PKHD1: variants seen among roughly 807,000 people sequenced by gnomAD.
PKHD1 encodes fibrocystin.
In PKHD1, 291 loss-of-function variants were observed where a neutral mutation model predicts 412.0. That is an observed-to-expected ratio of 0.71 (90% CI 0.64 to 0.78). The LOEUF is 0.78. PKHD1 is among the 30% of genes least tolerant of loss of function. The pLI, the probability that PKHD1 is intolerant of heterozygous loss-of-function variation, is 0.00. For synonymous variants in PKHD1, 1,777 were observed against 1,821.5 expected (o/e 0.98, Z 0.62); for missense variants, 4,825 against 4,950.7 (o/e 0.97, Z 0.76).
intron 61 of PKHD1, among the ~76,000 whole-genome samples, chr6:51,657,111 T>A (rs1360416191): frequency 4.9e-5 from 2 of 41,206 alleles, no homozygotes; most frequent in Admixed American, 6.5e-4. Context: ...ACTTAAAGTA[T>A]AATAATAATA....
intron 37 of PKHD1, among the ~76,000 whole-genome samples, chr6:51,930,382 G>C (rs2127752630): frequency 6.6e-6 from 1 of 152,246 alleles, no homozygotes; most frequent in African/African-American, 2.4e-5. Flanking sequence ...CTGTGTGTGG[G>C]TGTATATGTG....
intron 55 of PKHD1, among the ~76,000 whole-genome samples, chr6:51,757,714 A>G (rs1185370504): frequency 6.6e-6 from 1 of 152,088 alleles, no homozygotes; most frequent in Non-Finnish European, 1.5e-5. Flanking sequence ...AAATAAGACT[A>G]TATAAGGCCA....
rs997600028 is a variant in PKHD1, at chr6:51,617,233, C to T, written c.*1848G>A. 49 of 152,158 alleles carry T rather than the reference C, an allele frequency of 3.2e-4. No individual in the cohort carries two copies. The highest frequency in any genetic ancestry group is 1.2e-3 in the African/African-American group (49 of 41,412). 9.4% of individuals were successfully genotyped at this position (152,158 alleles called of 1,614,324 possible). The stretch of plus-strand genomic sequence containing the variant: ...GTTTTTTTCCAAAAAGCTTACGGCT[C>T]TTTGAGGATCCAATGAGTATACTAA... On this transcript the variant is annotated 3_prime_UTR_variant, in exon 67 of 67. Transcript: ENST00000371117.
At position 51,618,342 on chromosome 6, in the gene PKHD1, T is replaced by C. The variant is rs945658199; in HGVS notation, c.*739A>G. 1 of 152,122 alleles carries C rather than the reference T, an allele frequency of 6.6e-6. No individual in the cohort carries two copies. The highest frequency in any genetic ancestry group is 2.1e-4 in the South Asian group (1 of 4,816). The allele number at this position is 152,122 out of a possible 1,614,324, so 9.4% of individuals were successfully genotyped here. The stretch of plus-strand genomic sequence containing the variant: ...ACTAACAGAGAGAATCACTGAAAAA[T>C]AGAACAGTGGTCATACAAAATTTCC... On this transcript the variant is annotated 3_prime_UTR_variant, in exon 67 of 67. Transcript: ENST00000371117.
intron 60 of PKHD1, among the ~76,000 whole-genome samples, chr6:51,672,570 T>C (rs999952209): frequency 5.3e-5 from 8 of 152,192 alleles, no homozygotes; most frequent in African/African-American, 1.7e-4. Context: ...GGAGAATGTA[T>C]GAGTACATGC....
At chr6:51,863,880 A>G (rs1349948180) in intron 48 of PKHD1, among the ~76,000 whole-genome samples, 2 of 152,086 alleles carry the variant, frequency 1.3e-5, no homozygotes, top group Non-Finnish European at 2.9e-5. Context: ...ACTCAACACC[A>G]ATTTTGTTGA....
At chr6:52,079,234 C>A (rs995928511) in intron 5 of PKHD1, among the ~76,000 whole-genome samples, 2 of 152,164 alleles carry the variant, frequency 1.3e-5, no homozygotes, top group African/African-American at 4.8e-5. Flanking sequence ...GTATAGGTAT[C>A]AAGGCTGTAA....
chr6:51,695,943 A>C (rs577763088), intron 60 of PKHD1, among the ~76,000 whole-genome samples: 1 of 152,282 alleles, frequency 6.6e-6, no homozygotes, highest in Non-Finnish European at 1.5e-5. Context: ...GAGGTAAGAA[A>C]AGTTTGCGTT....
rs1171559672 is a variant in PKHD1, at chr6:51,695,486, GGAA to G, written c.10157-35520_10157-35518del. The stretch of plus-strand genomic sequence containing the variant: ...AGGAAGAAGAAGAGGAAGGAGAGGA[GGAA>G]GAAGAAGAAATCTTTAAGTCCATAG... On this transcript the variant is annotated intron_variant, in intron 60 of 66. Transcript: ENST00000371117. Among the ~76,000 whole-genome samples, 3 of 152,034 alleles carry G rather than the reference GGAA, an allele frequency of 2.0e-5. No individual in the cohort carries two copies. The East Asian group carries it at 5.8e-4, about 29-fold the overall frequency.
intron 52 of PKHD1, among the ~76,000 whole-genome samples, chr6:51,809,694 A>G (rs1162737407): frequency 6.6e-6 from 1 of 151,928 alleles, no homozygotes; most frequent in Non-Finnish European, 1.5e-5. Context: ...TTTTCTTCAC[A>G]TGACATATGA....
At chr6:51,859,096 C>T (rs1442224884) in intron 48 of PKHD1, among the ~76,000 whole-genome samples, 1 of 152,204 alleles carries the variant, frequency 6.6e-6, no homozygotes, top group African/African-American at 2.4e-5. Flanking sequence ...TAGTCAAGTG[C>T]TGTCAATTAA....
At position 52,078,614 on chromosome 6, in the gene PKHD1, A is replaced by C. The variant is rs183583906; in HGVS notation, c.390+1286T>G. On this transcript the variant is annotated intron_variant, in intron 5 of 66. Coordinates refer to ENST00000371117, the MANE Select transcript of PKHD1 (RefSeq NM_138694.4). ...TGCATCCCCTGGTGATTTTTCATCA[A>C]CTTGCCAAGATAGTTGAACCACTGA... 1.3e-4 allele frequency among the ~76,000 whole-genome samples: 20 copies of C among 152,322 alleles called. 1 individual carries two copies. Among genetic ancestry groups the C allele is most frequent in the Admixed American group, 1.2e-3 (18 of 15,304 alleles).
intron 60 of PKHD1, among the ~76,000 whole-genome samples, chr6:51,673,578 C>T (rs1020517005): frequency 4.6e-5 from 7 of 152,224 alleles, no homozygotes; most frequent in East Asian, 1.9e-4. Context: ...AAGAAAATCA[C>T]GAAAGAGTTA....
chr6:52,046,316 A>C, intron 23 of PKHD1, 128 bp from the exon 24 acceptor site: 1 of 806,216 alleles, frequency 1.2e-6, no homozygotes, highest in Non-Finnish European at 2.2e-6. Flanking sequence ...CTTCTGTCAA[A>C]GTAGAACTTC....
chr6:52,025,263 G>C lies in PKHD1; in HGVS notation c.4547C>G (p.Pro1516Arg). ...GQRLATTADE[P>R]MVFVDDQLPC... ...AAGTTGATCATCCACAAATACCATC[G>C]GCTCATCAGCTGTGGTGGCTAACCT... Residue 1516 changes from proline (P) to arginine (R), a missense_variant, in exon 32 of 67, where the codon CCG becomes CGG. Physicochemically the swap from Pro to Arg is moderately radical, Grantham distance 103. Transcript: ENST00000371117. 1 of 1,613,958 alleles carries C rather than the reference G, an allele frequency of 6.2e-7. No homozygotes were observed. Among genetic ancestry groups the C allele is most frequent in the Non-Finnish European group, 8.5e-7 (1 of 1,179,992 alleles).
intron 52 of PKHD1, among the ~76,000 whole-genome samples, chr6:51,806,423 G>A (rs1354927729): frequency 1.3e-5 from 2 of 152,174 alleles, no homozygotes; most frequent in Non-Finnish European, 1.5e-5. Flanking sequence ...AAAGCTGGAA[G>A]AAGAGTAAGT....
chr6:51,888,272 T>C (rs1778518696), intron 43 of PKHD1, among the ~76,000 whole-genome samples: 1 of 152,222 alleles, frequency 6.6e-6, no homozygotes, highest in Admixed American at 6.5e-5. Flanking sequence ...TATGTGTTCA[T>C]ATAAAATCTG....
intron 60 of PKHD1, among the ~76,000 whole-genome samples, chr6:51,731,529 C>T (rs1445954336): frequency 6.6e-6 from 1 of 152,122 alleles, no homozygotes; most frequent in Admixed American, 6.5e-5. Context: ...CAAGTCTAGA[C>T]AAGCTTTGTT....
intron 35 of PKHD1, among the ~76,000 whole-genome samples, chr6:51,994,709 G>A (rs1328454172): frequency 1.3e-5 from 2 of 152,024 alleles, no homozygotes; most frequent in Non-Finnish European, 2.9e-5. Flanking sequence ...AGACTCCCGA[G>A]TAGCTAGGAC....
Sources: gnomAD v4.1 joint callset for allele counts (sites outside exome capture counted in the v4.1 genomes callset) on GRCh38, gnomAD v4.1.1 for gene constraint, MANE v1.5 for transcripts, NCBI Gene and HGNC (gene_info 2026-07-23, HGNC 2026-07-21) for gene names.